Variants in KLF13 observed in about 807,000 individuals in gnomAD.
The protein encoded by KLF13 is Krueppel-like factor 13.
KLF13 carries 8 observed loss-of-function variants against 16.7 expected under a neutral mutation model. That is an observed-to-expected ratio of 0.48 (90% CI 0.28 to 0.87). The LOEUF is 0.87. Among genes scored for constraint, KLF13 ranks in the 40% least tolerant of loss-of-function variants. The pLI, the probability that KLF13 is intolerant of heterozygous loss-of-function variation, is 0.10. For missense variants in KLF13, 447 were observed against 452.2 expected, an observed-to-expected ratio of 0.99 and a Z score of 0.10; for synonymous variants, 245 against 208.4, an observed-to-expected ratio of 1.18 and a Z score of -1.51.
chr15:31,344,844 G>A (rs4779864), intron 1 of KLF13, among the ~76,000 whole-genome samples: 63,140 of 152,064 alleles, frequency 0.42, 14,026 homozygotes, highest in Non-Finnish European at 0.5. Context: ...GAGGCTGTGC[G>A]GGATCCTCCC....
At chr15:31,412,863 G>T (rs1363655829) in intron 1 of KLF13, among the ~76,000 whole-genome samples, 1 of 152,188 alleles carries the variant, frequency 6.6e-6, no homozygotes, top group African/African-American at 2.4e-5. Context: ...GGAGATTCAT[G>T]AATTTATGAA....
chr15:31,342,567 G>A (rs1053501807), intron 1 of KLF13, among the ~76,000 whole-genome samples: 6 of 152,208 alleles, frequency 3.9e-5, no homozygotes, highest in Admixed American at 2.6e-4. Flanking sequence ...TCAGCAGCCC[G>A]GAGAATCCCA....
At chr15:31,400,989 G>A (rs919869720) in intron 2 of KLF13, among the ~76,000 whole-genome samples, 3 of 151,736 alleles carry the variant, frequency 2.0e-5, no homozygotes, top group East Asian at 2.0e-4. Flanking sequence ...AATGTGTCCC[G>A]TCGATAGATA....
chr15:31,339,127 T>C (rs1460018586), intron 1 of KLF13, among the ~76,000 whole-genome samples: 2 of 152,268 alleles, frequency 1.3e-5, no homozygotes, highest in Admixed American at 1.3e-4. Flanking sequence ...AGGGTCCTCC[T>C]ACACAGCAGA....
chr15:31,346,795 G>A (rs1387238211), intron 1 of KLF13, among the ~76,000 whole-genome samples: 3 of 152,220 alleles, frequency 2.0e-5, no homozygotes, highest in South Asian at 2.1e-4. Context: ...GGCTCCTGCC[G>A]GCCATAGGTG....
intron 1 of KLF13, among the ~76,000 whole-genome samples, chr15:31,361,929 T>G (rs1018624722): frequency 2.0e-5 from 3 of 151,084 alleles, no homozygotes; most frequent in Non-Finnish European, 4.4e-5. Flanking sequence ...CCCTCCCTCC[T>G]TCCTTTTCTC....
chr15:31,414,431 T>A (rs960693815), intron 1 of KLF13, among the ~76,000 whole-genome samples: 5 of 152,146 alleles, frequency 3.3e-5, no homozygotes, highest in African/African-American at 9.7e-5. Context: ...ATTGTCATAC[T>A]GAATTACAAA....
intron 1 of KLF13, among the ~76,000 whole-genome samples, chr15:31,331,543 C>T (rs2038833383): frequency 6.6e-6 from 1 of 152,184 alleles, no homozygotes; most frequent in African/African-American, 2.4e-5. Context: ...GAAAGCAGAG[C>T]AGAGGGCATC....
intron 1 of KLF13, among the ~76,000 whole-genome samples, chr15:31,432,527 G>A (rs2040486471): frequency 6.6e-6 from 1 of 150,846 alleles, no homozygotes; most frequent in Admixed American, 6.6e-5. Flanking sequence ...CCGCTCACTG[G>A]AGCCTCAGTC....
intron 1 of KLF13, among the ~76,000 whole-genome samples, chr15:31,360,979 T>G (rs1368219947): frequency 6.6e-6 from 1 of 152,274 alleles, no homozygotes; most frequent in Admixed American, 6.5e-5. Flanking sequence ...GCCATTGTTT[T>G]GAGTGCGCTG....
At chr15:31,423,698 A>C (rs757540348) in intron 1 of KLF13, among the ~76,000 whole-genome samples, 8 of 152,238 alleles carry the variant, frequency 5.3e-5, no homozygotes, top group Admixed American at 1.3e-4. Flanking sequence ...GAATACTCTA[A>C]GAACTACAGA....
chr15:31,334,039 A>G (rs933307358), intron 1 of KLF13, among the ~76,000 whole-genome samples: 19 of 152,030 alleles, frequency 1.2e-4, no homozygotes, highest in African/African-American at 3.9e-4. Flanking sequence ...CCTTCTGTCC[A>G]CCTGGTTGGT....
At chr15:31,389,037 G>T (rs975502718), upstream of KLF13, among the ~76,000 whole-genome samples, 1 of 152,032 alleles carries the variant, frequency 6.6e-6, no homozygotes, top group Non-Finnish European at 1.5e-5. Flanking sequence ...AACAACATGG[G>T]TTTGAACTGC....
chr15:31,435,559 C>T (rs553290075), exon 2 of KLF13: 1 of 152,328 alleles, frequency 6.6e-6, no homozygotes, highest in East Asian at 1.9e-4. Flanking sequence ...CCTTCCGATC[C>T]TGTGCTGAAA....
At chr15:31,377,998 G>C (rs1033514327), downstream of KLF13, 2 of 152,154 alleles carry the variant, frequency 1.3e-5, no homozygotes, top group Non-Finnish European at 2.9e-5. Flanking sequence ...AATTGACTGA[G>C]GGACTGAAGC....
At chr15:31,366,757 G>GTGTGCCCCCCTGTGCTCACTA (rs2039479566) in intron 1 of KLF13, among the ~76,000 whole-genome samples, 1 of 152,176 alleles carries the variant, frequency 6.6e-6, no homozygotes, top group African/African-American at 2.4e-5. Flanking sequence ...TGTGCTCACT[G>GTGTGCCCCCCTGTGCTCACTA]TACTCGGCTG....
In KLF13 at chr15:31,327,140, C is replaced by T. The variant is rs1156496718; in HGVS notation, c.-73C>T. 9 of 1,146,724 alleles carry T rather than the reference C, an allele frequency of 7.8e-6. No homozygotes were observed. The highest frequency in any genetic ancestry group is 9.7e-6 in the Non-Finnish European group (9 of 925,490). 71.0% of individuals were successfully genotyped at this position (1,146,724 alleles called of 1,614,324 possible). ...CGCGCCCCCGCCCCCCGCCCGCTCT[C>T]CCGAGGCCGTGGGTGCGGATGCGCG... On this transcript the variant is annotated 5_prime_UTR_variant, in exon 1 of 2. Transcript: ENST00000307145.
chr15:31,355,903 G>A (rs891591864), intron 1 of KLF13, among the ~76,000 whole-genome samples: 4 of 152,042 alleles, frequency 2.6e-5, no homozygotes, highest in Non-Finnish European at 5.9e-5. Context: ...TGTGGGGGTT[G>A]GCTGTCATCC....
intron 2 of KLF13, among the ~76,000 whole-genome samples, chr15:31,400,368 AC>A (rs2040017141): frequency 6.6e-6 from 1 of 152,078 alleles, no homozygotes; most frequent in Non-Finnish European, 1.5e-5. Context: ...ACAGAAGGGG[AC>A]CCCACATGGA....
Sources: gnomAD v4.1 joint callset for allele counts (sites outside exome capture counted in the v4.1 genomes callset) on GRCh38, gnomAD v4.1.1 for gene constraint, MANE v1.5 for transcripts, NCBI Gene and HGNC (gene_info 2026-07-23, HGNC 2026-07-21) for gene names.